PDZRN4: variants seen among roughly 807,000 people sequenced by gnomAD.
PDZRN4 encodes the protein PDZ domain containing ring finger 4, also known as PDZ domain-containing RING finger protein 4.
A neutral mutation model predicts 99.0 loss-of-function variants in PDZRN4; 70 were observed. The ratio of observed to expected loss-of-function variants is 0.71; its 90% confidence interval spans 0.58 to 0.86. PDZRN4 has a LOEUF of 0.86. Ranked by LOEUF, PDZRN4 falls within the 40% of genes least tolerant of loss-of-function variation. The probability of loss-of-function intolerance (pLI) is 0.00; values close to 1 mark genes in which losing one functional copy is unlikely to be tolerated. For missense variants in PDZRN4, 1,474 were observed against 1,331.2 expected, an observed-to-expected ratio of 1.11 and a Z score of -1.67; for synonymous variants, 551 against 501.6, an observed-to-expected ratio of 1.10 and a Z score of -1.32.
At chr12:41,247,184 T>C (rs1459217208) in intron 3 of PDZRN4, among the ~76,000 whole-genome samples, 3 of 152,016 alleles carry the variant, frequency 2.0e-5, no homozygotes, top group Non-Finnish European at 4.4e-5. Flanking sequence ...TAAGTAAAAA[T>C]GTTTAGAGAG....
At chr12:41,318,399 A>T (rs554099603) in intron 3 of PDZRN4, among the ~76,000 whole-genome samples, 80 of 152,328 alleles carry the variant, frequency 5.3e-4, no homozygotes, top group African/African-American at 1.8e-3. Flanking sequence ...TTTAGAAATG[A>T]TGCATGCTTA....
chr12:41,441,231 C>G (rs926931268), intron 3 of PDZRN4, among the ~76,000 whole-genome samples: 4 of 152,138 alleles, frequency 2.6e-5, no homozygotes, highest in Admixed American at 6.6e-5. Context: ...TATTCTTATT[C>G]ACTTCCCACA....
At chr12:41,527,234 C>T (rs1365320510) in intron 5 of PDZRN4, among the ~76,000 whole-genome samples, 2 of 152,062 alleles carry the variant, frequency 1.3e-5, no homozygotes, top group African/African-American at 4.8e-5. Flanking sequence ...ACAGGAGGTT[C>T]CAGGAAATGC....
rs539120724 is a variant in PDZRN4 at position 41,407,809 on chromosome 12, C to A, written c.844-98647C>A. Among the ~76,000 whole-genome samples, 3 of 152,002 alleles carry A rather than the reference C, an allele frequency of 2.0e-5. No homozygotes were observed. The East Asian group carries it at 5.8e-4, about 29-fold the overall frequency. On this transcript the variant is annotated intron_variant, in intron 3 of 9. Coordinates refer to ENST00000402685, the MANE Select transcript of PDZRN4 (RefSeq NM_001164595.2). ...TAACATTTCACATTTTTAAATTCTGCGAGAAAAGATGAGTCCAAGTTATCA... is the reference window on the plus strand; with the variant it reads ...TAACATTTCACATTTTTAAATTCTGAGAGAAAAGATGAGTCCAAGTTATCA...
intron 3 of PDZRN4, among the ~76,000 whole-genome samples, chr12:41,309,233 A>G (rs990678723): frequency 5.9e-5 from 9 of 152,216 alleles, no homozygotes; most frequent in Non-Finnish European, 1.2e-4. Context: ...TGTGTTTGCT[A>G]TAAACAGAAT....
intron 3 of PDZRN4, among the ~76,000 whole-genome samples, chr12:41,468,760 G>A (rs561306111): frequency 2.3e-4 from 35 of 152,276 alleles, no homozygotes; most frequent in African/African-American, 7.2e-4. Context: ...AATGTCCTTT[G>A]TAATCTCTTC....
intron 5 of PDZRN4, among the ~76,000 whole-genome samples, chr12:41,526,110 G>A (rs1055949093): frequency 2.0e-5 from 3 of 152,112 alleles, no homozygotes; most frequent in African/African-American, 7.2e-5. Context: ...TTTCTCCTTT[G>A]CCTCCATAAT....
chr12:41,259,685 A>G (rs1384978257), intron 3 of PDZRN4, among the ~76,000 whole-genome samples: 1 of 152,138 alleles, frequency 6.6e-6, no homozygotes, highest in Non-Finnish European at 1.5e-5. Flanking sequence ...AATAAAAATA[A>G]AATCTTAAAA....
In PDZRN4 at chr12:41,573,290, A is replaced by G. The variant is rs997989420; in HGVS notation, c.2511A>G (p.Ser837=). ...IPYLSPYHSS[S]YRYANIPAHA... ...ACCTCTCTCCTTACCACAGCTCCTC[A>G]TATAGATATGCAAACATCCCAGCAC... Residue 837 remains serine, a synonymous_variant, in exon 10 of 10, where the codon TCA becomes TCG. Coordinates refer to ENST00000402685, the MANE Select transcript of PDZRN4 (RefSeq NM_001164595.2). 1 of 1,613,722 alleles carries G rather than the reference A, an allele frequency of 6.2e-7. No homozygotes were observed. Among genetic ancestry groups the G allele is most frequent in the Non-Finnish European group, 8.5e-7 (1 of 1,180,022 alleles).
rs369662941 is a variant in PDZRN4 at position 41,392,180 on chromosome 12, T to C, written c.844-114276T>C. On this transcript the variant is annotated intron_variant, in intron 3 of 9. Coordinates refer to ENST00000402685, the MANE Select transcript of PDZRN4 (RefSeq NM_001164595.2). ...TGATAGAAGAATAAAATAAAGGCTT[T>C]GGTTCCTGCTATTCAAGATTCCCCA... Among the ~76,000 whole-genome samples, 22 of 152,278 alleles carry C rather than the reference T, an allele frequency of 1.4e-4. No individual in the cohort carries two copies. The East Asian group carries it at 3.7e-3, about 25-fold the overall frequency.
intron 3 of PDZRN4, among the ~76,000 whole-genome samples, chr12:41,252,383 C>T (rs1287981203): frequency 6.6e-6 from 1 of 152,104 alleles, no homozygotes; most frequent in Non-Finnish European, 1.5e-5. Context: ...CTGATAGAGG[C>T]AAATTCTAAA....
At chr12:41,411,064 TA>T (rs66517617) in intron 3 of PDZRN4, among the ~76,000 whole-genome samples, 17,527 of 126,712 alleles carry the variant, frequency 0.14, 1,124 homozygotes, top group East Asian at 0.19. Context: ...TATATATATA[TA>T]TATTTTTTTT....
chr12:41,470,187 A>G (rs1399508729), intron 3 of PDZRN4, among the ~76,000 whole-genome samples: 1 of 152,158 alleles, frequency 6.6e-6, no homozygotes, highest in Non-Finnish European at 1.5e-5. Context: ...TGTGGATACA[A>G]TTGAGATCTC....
At chr12:41,371,911 C>T (rs576227606) in intron 3 of PDZRN4, among the ~76,000 whole-genome samples, 2 of 152,194 alleles carry the variant, frequency 1.3e-5, no homozygotes, top group South Asian at 4.1e-4. Flanking sequence ...GGCAGCAGGT[C>T]ATCCAAATCT....
At chr12:41,516,822 T>C (rs751926822) in intron 5 of PDZRN4, among the ~76,000 whole-genome samples, 34 of 152,024 alleles carry the variant, frequency 2.2e-4, no homozygotes, top group Non-Finnish European at 3.7e-4. Flanking sequence ...TGTGTGGTTG[T>C]CCTGCTTTTA....
chr12:41,336,144 A>G (rs570116907), intron 3 of PDZRN4, among the ~76,000 whole-genome samples: 18 of 152,250 alleles, frequency 1.2e-4, no homozygotes, highest in Non-Finnish European at 2.2e-4. Context: ...ACTATTCAAC[A>G]AATCTGGCCA....
At chr12:41,483,341 T>C (rs953203123) in intron 3 of PDZRN4, among the ~76,000 whole-genome samples, 4 of 151,936 alleles carry the variant, frequency 2.6e-5, no homozygotes, top group African/African-American at 9.7e-5. Flanking sequence ...TCAAGAAGAG[T>C]GAAAAATAAT....
At chr12:41,445,125 G>A (rs1409939564) in intron 3 of PDZRN4, among the ~76,000 whole-genome samples, 1 of 151,882 alleles carries the variant, frequency 6.6e-6, no homozygotes, top group Non-Finnish European at 1.5e-5. Context: ...CTATTTAGAT[G>A]GAATACTGTA....
At chr12:41,238,616 A>C (rs1951082970) in intron 3 of PDZRN4, among the ~76,000 whole-genome samples, 1 of 152,144 alleles carries the variant, frequency 6.6e-6, no homozygotes, top group African/African-American at 2.4e-5. Context: ...CAAAAAGCAC[A>C]AGAAAAAAAG....
Sources: allele counts gnomAD v4.1 joint callset (sites outside exome capture counted in the v4.1 genomes callset), GRCh38; gene constraint gnomAD v4.1.1; transcripts MANE v1.5; gene names NCBI Gene and HGNC (gene_info 2026-07-23, HGNC 2026-07-21).